Variants in RBIS observed in about 807,000 individuals in gnomAD.
The protein encoded by RBIS is ribosome biogenesis factor identified in screen.
In RBIS, 9 loss-of-function variants were observed where a neutral mutation model predicts 9.8. That is an observed-to-expected ratio of 0.92 (90% CI 0.56 to 1.61). RBIS has a LOEUF of 1.61. RBIS is among the 40% of genes most tolerant of loss of function. The pLI is 0.00. For missense variants in RBIS, 103 were observed against 116.0 expected, an observed-to-expected ratio of 0.89 and a Z score of 0.51; for synonymous variants, 35 against 37.9, an observed-to-expected ratio of 0.92 and a Z score of 0.28.
intron 2 of RBIS, chr8:85,215,962 G>T (rs1056102770): frequency 6.6e-6 from 1 of 152,214 alleles, no homozygotes; most frequent in Admixed American, 6.5e-5. Context: ...AGCAGTGTCA[G>T]ATTTTAATTA....
chr8:85,215,038 CTTTT>C lies in RBIS; in HGVS notation c.115-5_115-2del. On this transcript the variant is annotated splice_acceptor_variant and splice_polypyrimidine_tract_variant and intron_variant, in intron 2 of 3. Coordinates refer to ENST00000619594, the MANE Select transcript of RBIS (RefSeq NM_001099673.3). LOFTEE classifies it high-confidence loss of function. ...CTTTTTCCTCATTCATAATGTTTAT[CTTTT>C]AAAAAGAAAAAAAGCATTAATCTAT... The C allele has an allele frequency of 8.0e-7, 1 of 1,256,786 alleles. No homozygotes were observed. The highest frequency in any genetic ancestry group is 2.2e-5 in the Admixed American group (1 of 45,218). 77.9% of individuals were successfully genotyped at this position (1,256,786 alleles called of 1,614,324 possible).
At chr8:85,219,148 T>A (rs183259071) in intron 1 of RBIS, 1 of 152,350 alleles carries the variant, frequency 6.6e-6, no homozygotes, top group East Asian at 1.9e-4. Flanking sequence ...CACACATATC[T>A]CCTGTTACGT....
chr8:85,214,542 A>C lies in RBIS; in HGVS notation c.*18T>G. 1 of 1,461,192 alleles carries C rather than the reference A, an allele frequency of 6.8e-7. No homozygotes were observed. The allele number at this position is 1,461,192 out of a possible 1,614,324, so 90.5% of individuals were successfully genotyped here. ...AATTTATTGGTCTTTGTGGAGAATT[A>C]GATGCATCACCAGTATATTACAACA... On this transcript the variant is annotated 3_prime_UTR_variant, in exon 4 of 4. Coordinates refer to ENST00000619594, the MANE Select transcript of RBIS (RefSeq NM_001099673.3).
chr8:85,214,157 A>G lies in RBIS; in HGVS notation c.*403T>C, dbSNP rs1813031598. 1 of 536,510 alleles carries G rather than the reference A, an allele frequency of 1.9e-6. No individual in the cohort carries two copies. Among genetic ancestry groups the G allele is most frequent in the African/African-American group, 1.9e-5 (1 of 53,270 alleles). 33.2% of individuals were successfully genotyped at this position (536,510 alleles called of 1,614,324 possible). A position where few individuals can be genotyped will look rare whatever the true frequency, so the allele number is the denominator to read the frequency against. Reference sequence around the variant, plus strand: ...GTGAATCCTTCTGTTTTTTCTTCTTAAGGAGGAAAGTTAAAGGACACTACA... The same window carrying G: ...GTGAATCCTTCTGTTTTTTCTTCTTGAGGAGGAAAGTTAAAGGACACTACA... On this transcript the variant is annotated 3_prime_UTR_variant, in exon 4 of 4. Coordinates refer to ENST00000619594, the MANE Select transcript of RBIS (RefSeq NM_001099673.3).
chr8:85,215,366 AGAG>A (rs1813101481), intron 2 of RBIS: 1 of 156,302 alleles, frequency 6.4e-6, no homozygotes, highest in Non-Finnish European at 1.4e-5. Flanking sequence ...CATTGTATTA[AGAG>A]GGATAAGAGT....
At position 85,214,492 on chromosome 8, in the gene RBIS, A is replaced by T; in HGVS notation, c.*68T>A. ...ATGCCTGTACATTAACAAGATTTTTAAAAATAAAATTGTATAAAACATTCA... is the reference window on the plus strand; with the variant it reads ...ATGCCTGTACATTAACAAGATTTTTTAAAATAAAATTGTATAAAACATTCA... On this transcript the variant is annotated 3_prime_UTR_variant, in exon 4 of 4. Transcript: ENST00000619594. 1.8e-6 allele frequency: 2 copies of T among 1,120,980 alleles called. No homozygotes were observed. Among genetic ancestry groups the T allele is most frequent in the Non-Finnish European group, 2.7e-6 (2 of 748,526 alleles). 69.4% of individuals were successfully genotyped at this position (1,120,980 alleles called of 1,614,324 possible).
At chr8:85,218,071 T>C (rs996246444) in intron 1 of RBIS, among the ~76,000 whole-genome samples, 4 of 152,238 alleles carry the variant, frequency 2.6e-5, no homozygotes, top group African/African-American at 9.7e-5. Context: ...CTTTCCTCCG[T>C]AGCTAGAGAT....
chr8:85,216,667 C>G (rs534134182), intron 2 of RBIS: 4 of 152,364 alleles, frequency 2.6e-5, no homozygotes, highest in African/African-American at 9.6e-5. Flanking sequence ...CCCCCATCAT[C>G]TGCTTAATTT....
At chr8:85,219,929 C>T (rs1018890362) in intron 1 of RBIS, among the ~76,000 whole-genome samples, 5 of 151,918 alleles carry the variant, frequency 3.3e-5, no homozygotes, top group African/African-American at 1.2e-4. Flanking sequence ...GTATATTGTA[C>T]ATGACACTAC....
intron 2 of RBIS, chr8:85,216,089 G>A (rs1813139011): frequency 6.6e-6 from 1 of 152,186 alleles, no homozygotes; most frequent in Non-Finnish European, 1.5e-5. Context: ...GTGAGAGTAA[G>A]AGAAACTGAG....
intron 1 of RBIS, among the ~76,000 whole-genome samples, chr8:85,220,023 AGAAAG>A (rs1813305801): frequency 6.6e-6 from 1 of 152,214 alleles, no homozygotes; most frequent in East Asian, 1.9e-4. Context: ...AGGTTCGTGG[AGAAAG>A]TAATACACTA....
chr8:85,215,200 A>T, intron 2 of RBIS, 163 bp from the exon 3 acceptor site: 1 of 408,860 alleles, frequency 2.4e-6, no homozygotes, highest in Middle Eastern at 6.7e-4. Flanking sequence ...TTACAGACAA[A>T]AAGTTTTGGT....
chr8:85,218,110 A>G (rs1813219886), intron 1 of RBIS, among the ~76,000 whole-genome samples: 1 of 152,186 alleles, frequency 6.6e-6, no homozygotes, highest in Non-Finnish European at 1.5e-5. Flanking sequence ...CTACCTTAAA[A>G]CATCTCTCAG....
In RBIS at chr8:85,215,026, CATA is replaced by C. The variant is rs780085170; in HGVS notation, c.123_125del (p.Ile41del). ...TTACTCTGTTAACTTTTTCCTCATT[CATA>C]ATGTTTATCTTTTAAAAAGAAAAAA... is the stretch of plus-strand genomic sequence containing the variant. On this transcript the variant is annotated inframe_deletion, in exon 3 of 4. Transcript: ENST00000619594. 1.5e-5 allele frequency: 21 copies of C among 1,373,300 alleles called. No homozygotes were observed. Among genetic ancestry groups the C allele is most frequent in the East Asian group, 4.7e-5 (2 of 42,874 alleles). The allele number at this position is 1,373,300 out of a possible 1,614,324, so 85.1% of individuals were successfully genotyped here.
chr8:85,214,701 T>C (rs1022505867), intron 3 of RBIS, 70 bp from the exon 4 acceptor site: 2 of 991,372 alleles, frequency 2.0e-6, no homozygotes, highest in Non-Finnish European at 3.2e-6. Context: ...TATAAGCTGT[T>C]ATTCAATTTA....
chr8:85,216,316 G>A (rs752128571), intron 2 of RBIS: 3 of 152,202 alleles, frequency 2.0e-5, no homozygotes, highest in Non-Finnish European at 2.9e-5. Context: ...AGGTAGGGGT[G>A]GTGCTCTTCT....
chr8:85,216,537 C>T (rs1020659291), intron 2 of RBIS, among the ~76,000 whole-genome samples: 2 of 152,116 alleles, frequency 1.3e-5, no homozygotes, highest in African/African-American at 4.8e-5. Flanking sequence ...TTTTCTCTGC[C>T]TCGAACCCAC....
intron 1 of RBIS, chr8:85,217,842 A>G (rs979347967): frequency 4.5e-6 from 1 of 221,520 alleles, no homozygotes; most frequent in Non-Finnish European, 8.9e-6. Flanking sequence ...ATATACTACT[A>G]TGCTATTCTG....
At chr8:85,214,728 C>A in intron 3 of RBIS, 97 bp from the exon 4 acceptor site, 1 of 870,812 alleles carries the variant, frequency 1.1e-6, no homozygotes. Context: ...CTAGTCATAT[C>A]TTTGGAAGTA....
Sources: allele counts gnomAD v4.1 joint callset (sites outside exome capture counted in the v4.1 genomes callset), GRCh38; gene constraint gnomAD v4.1.1; transcripts MANE v1.5; gene names NCBI Gene and HGNC (gene_info 2026-07-23, HGNC 2026-07-21).